FRMD4B: variants seen among roughly 807,000 people sequenced by gnomAD.
FRMD4B encodes FERM domain-containing protein 4B.
A neutral mutation model predicts 141.5 loss-of-function variants in FRMD4B; 74 were observed. The observed-to-expected ratio is 0.52, with a 90% CI of 0.43 to 0.63. FRMD4B has a LOEUF of 0.63. Among genes scored for constraint, FRMD4B ranks in the 30% least tolerant of loss-of-function variants. The pLI, the probability that FRMD4B is intolerant of heterozygous loss-of-function variation, is 0.00. For synonymous variants in FRMD4B, 506 were observed against 467.9 expected (o/e 1.08, Z -1.05); for missense variants, 1,366 against 1,253.4 (o/e 1.09, Z -1.36).
At chr3:69,344,278 A>T (rs904344968) in intron 1 of FRMD4B, among the ~76,000 whole-genome samples, 2 of 152,124 alleles carry the variant, frequency 1.3e-5, no homozygotes, top group African/African-American at 4.8e-5. Flanking sequence ...GGCCATTTTA[A>T]TCTGTGCCCC....
At chr3:69,223,731 C>T (rs1163111521) in intron 8 of FRMD4B, among the ~76,000 whole-genome samples, 2 of 151,886 alleles carry the variant, frequency 1.3e-5, no homozygotes, top group Admixed American at 6.6e-5. Flanking sequence ...CCTTGCTACT[C>T]GGGAAGCTGA....
intron 1 of FRMD4B, among the ~76,000 whole-genome samples, chr3:69,373,704 A>G (rs1275295249): frequency 6.6e-6 from 1 of 152,082 alleles, no homozygotes; most frequent in African/African-American, 2.4e-5. Context: ...GATCCCATCT[A>G]AAAAATAAAA....
intron 1 of FRMD4B, among the ~76,000 whole-genome samples, chr3:69,453,798 C>G (rs1046288546): frequency 3.3e-5 from 5 of 152,138 alleles, no homozygotes; most frequent in African/African-American, 1.2e-4. Flanking sequence ...GTAAGGAAAT[C>G]CATGTAGCCA....
intron 1 of FRMD4B, among the ~76,000 whole-genome samples, chr3:69,384,435 A>G (rs1181602219): frequency 6.6e-6 from 1 of 152,220 alleles, no homozygotes; most frequent in Non-Finnish European, 1.5e-5. Flanking sequence ...ACAAAATTAC[A>G]TAAGGGGCAC....
intron 5 of FRMD4B, among the ~76,000 whole-genome samples, chr3:69,251,805 G>C (rs1231210716): frequency 6.6e-6 from 1 of 152,238 alleles, no homozygotes; most frequent in African/African-American, 2.4e-5. Context: ...GGTGAAAGAT[G>C]ATGAGGCGGT....
At chr3:69,372,587 C>A (rs762954093) in intron 1 of FRMD4B, among the ~76,000 whole-genome samples, 2 of 152,168 alleles carry the variant, frequency 1.3e-5, no homozygotes, top group Non-Finnish European at 2.9e-5. Context: ...ATCACCGGAA[C>A]CTGGGAGGTG....
At chr3:69,217,608 C>G (rs1236836559) in intron 10 of FRMD4B, among the ~76,000 whole-genome samples, 9 of 152,220 alleles carry the variant, frequency 5.9e-5, no homozygotes, top group African/African-American at 2.2e-4. Context: ...GGCAATAGAG[C>G]TAGACTCCAT....
At chr3:69,449,030 G>C (rs6790395) in intron 1 of FRMD4B, among the ~76,000 whole-genome samples, 102,654 of 151,976 alleles carry the variant, frequency 0.68, 35,241 homozygotes, top group East Asian at 0.83. Flanking sequence ...CTTTTTATAT[G>C]TAGCCTCGTA....
intron 1 of FRMD4B, among the ~76,000 whole-genome samples, chr3:69,456,556 A>G (rs1575808884): frequency 6.6e-6 from 1 of 152,160 alleles, no homozygotes; most frequent in Non-Finnish European, 1.5e-5. Context: ...CCCCCTCATT[A>G]CTTTCAGAGC....
intron 5 of FRMD4B, among the ~76,000 whole-genome samples, chr3:69,268,072 C>G (rs1421635710): frequency 2.0e-5 from 3 of 151,950 alleles, no homozygotes; most frequent in African/African-American, 7.3e-5. Context: ...TACTTCTCTC[C>G]TATTCTGAAG....
intron 1 of FRMD4B, among the ~76,000 whole-genome samples, chr3:69,508,579 G>A (rs138534217): frequency 1.3e-5 from 2 of 152,230 alleles, no homozygotes; most frequent in Admixed American, 6.5e-5. Context: ...AGTAGGCTAG[G>A]GAAAGTAGTC....
At chr3:69,185,542 G>A (rs191150991) in intron 19 of FRMD4B, among the ~76,000 whole-genome samples, 3 of 152,192 alleles carry the variant, frequency 2.0e-5, no homozygotes, top group African/African-American at 7.2e-5. Context: ...TTTGGATCCT[G>A]CCAAGTTCTA....
intron 7 of FRMD4B, among the ~76,000 whole-genome samples, chr3:69,243,284 C>T (rs531085080): frequency 1.1e-4 from 17 of 151,788 alleles, no homozygotes; most frequent in East Asian, 7.7e-4. Flanking sequence ...GAAGGGAACA[C>T]GGCAGGAAAC....
intron 5 of FRMD4B, among the ~76,000 whole-genome samples, chr3:69,273,048 T>A (rs1040937950): frequency 1.3e-5 from 2 of 152,190 alleles, no homozygotes; most frequent in African/African-American, 4.8e-5. Flanking sequence ...CCATTCTTTC[T>A]TTGGTGCTGC....
At chr3:69,443,208 A>G (rs1705365823) in intron 1 of FRMD4B, among the ~76,000 whole-genome samples, 1 of 152,068 alleles carries the variant, frequency 6.6e-6, no homozygotes, top group Non-Finnish European at 1.5e-5. Flanking sequence ...AGTGGCCACA[A>G]TTTACTCAAT....
chr3:69,323,864 T>C (rs151141646), intron 1 of FRMD4B, among the ~76,000 whole-genome samples: 2 of 151,950 alleles, frequency 1.3e-5, no homozygotes, highest in Non-Finnish European at 2.9e-5. Context: ...CAGTACAAAG[T>C]ATTTCCTATC....
At chr3:69,460,344 G>A (rs557440000) in intron 1 of FRMD4B, among the ~76,000 whole-genome samples, 2 of 152,244 alleles carry the variant, frequency 1.3e-5, no homozygotes, top group East Asian at 1.9e-4. Flanking sequence ...TTTAACAGAA[G>A]GTAGTAGCAT....
intron 1 of FRMD4B, among the ~76,000 whole-genome samples, chr3:69,359,644 T>C (rs1370878346): frequency 6.6e-6 from 1 of 152,176 alleles, no homozygotes; most frequent in Admixed American, 6.5e-5. Context: ...ATTTTCTTGT[T>C]TTCTTAACCA....
At chr3:69,332,846 TG>T (rs34705002) in intron 1 of FRMD4B, among the ~76,000 whole-genome samples, 2 of 147,888 alleles carry the variant, frequency 1.4e-5, no homozygotes, top group Non-Finnish European at 3.0e-5. Context: ...CCTTAAGCGC[TG>T]GGATTACAGG....
Sources: allele counts gnomAD v4.1 joint callset (sites outside exome capture counted in the v4.1 genomes callset), GRCh38; gene constraint gnomAD v4.1.1; transcripts MANE v1.5; gene names NCBI Gene and HGNC (gene_info 2026-07-23, HGNC 2026-07-21).